Variants in WDR7 observed in about 807,000 individuals in gnomAD.
The protein encoded by WDR7 is WD repeat-containing protein 7.
Under a neutral mutation model 169.4 loss-of-function variants are expected in WDR7, and 46 were observed. The ratio of observed to expected loss-of-function variants is 0.27; its 90% confidence interval spans 0.21 to 0.35. WDR7 has a LOEUF of 0.35. Among genes scored for constraint, WDR7 ranks in the 10% least tolerant of loss-of-function variants. WDR7 has a pLI of 1.00. For missense variants in WDR7, 1,534 were observed against 1,859.3 expected, an observed-to-expected ratio of 0.83 and a Z score of 3.22; for synonymous variants, 612 against 666.8, an observed-to-expected ratio of 0.92 and a Z score of 1.27.
At position 56,863,401 on chromosome 18, in the gene WDR7, G is replaced by A. The variant is rs186472278; in HGVS notation, c.3305-16543G>A. 7.2e-5 allele frequency among the ~76,000 whole-genome samples: 11 copies of A among 151,744 alleles called. No homozygotes were observed. In the East Asian group the frequency reaches 1.9e-3, roughly 27 times the overall value. On this transcript the variant is annotated intron_variant, in intron 20 of 27. Coordinates refer to ENST00000254442, the MANE Select transcript of WDR7 (RefSeq NM_015285.3). The stretch of plus-strand genomic sequence containing the variant: ...GAAATTCTTGTTACAGAATTTGAGA[G>A]GGATAAAAGCACTTTGCCAGCACTG...
chr18:56,711,827 G>A (rs1368049639), intron 12 of WDR7, among the ~76,000 whole-genome samples: 6 of 151,870 alleles, frequency 4.0e-5, no homozygotes, highest in Admixed American at 6.6e-5. Flanking sequence ...AATATTTAAC[G>A]TGATAAATGA....
At chr18:56,741,602 G>A (rs1354428936) in intron 14 of WDR7, among the ~76,000 whole-genome samples, 1 of 152,154 alleles carries the variant, frequency 6.6e-6, no homozygotes, top group Non-Finnish European at 1.5e-5. Flanking sequence ...ATGTATAAAT[G>A]TATGTGTGCA....
intron 16 of WDR7, 116 bp from the exon 17 acceptor site, chr18:56,776,666 C>A (rs1037607491): frequency 1.4e-4 from 114 of 807,484 alleles, no homozygotes; most frequent in South Asian, 1.2e-3. Context: ...CGTTTCAGTT[C>A]TACATTCTCT....
chr18:56,789,584 G>A (rs1310753613), intron 19 of WDR7, among the ~76,000 whole-genome samples: 1 of 152,174 alleles, frequency 6.6e-6, no homozygotes, highest in Non-Finnish European at 1.5e-5. Context: ...AGGAGATGGG[G>A]GAGTCCATCC....
At chr18:56,668,841 G>A (rs949097692) in intron 1 of WDR7, among the ~76,000 whole-genome samples, 4 of 151,432 alleles carry the variant, frequency 2.6e-5, no homozygotes, top group African/African-American at 9.7e-5. Flanking sequence ...TGAATATTAA[G>A]TACTGGAAAA....
In WDR7 at chr18:56,918,506, T is replaced by A. The variant is rs189760371; in HGVS notation, c.3527-5416T>A. Among the ~76,000 whole-genome samples, 812 of 152,238 alleles carry A rather than the reference T, an allele frequency of 5.3e-3. 7 individuals carry two copies. The highest frequency in any genetic ancestry group is 0.019 in the African/African-American group (777 of 41,536). On this transcript the variant is annotated intron_variant, in intron 21 of 27. Coordinates refer to ENST00000254442, the MANE Select transcript of WDR7 (RefSeq NM_015285.3). ...AGGGCATGTATTAGTACTATTTCAA[T>A]TTTTTTATTTTGTTTTTTATAAACA...
intron 19 of WDR7, among the ~76,000 whole-genome samples, chr18:56,801,829 A>G (rs1488551826): frequency 6.6e-6 from 1 of 152,154 alleles, no homozygotes; most frequent in Non-Finnish European, 1.5e-5. Context: ...GGCTGTACCA[A>G]AGTATATTTA....
chr18:56,949,400 T>C (rs2047150281), intron 25 of WDR7, among the ~76,000 whole-genome samples: 1 of 152,224 alleles, frequency 6.6e-6, no homozygotes, highest in Admixed American at 6.5e-5. Flanking sequence ...CTTTCCAAAA[T>C]GAACAAATAT....
intron 25 of WDR7, among the ~76,000 whole-genome samples, chr18:56,946,590 C>G (rs2047106184): frequency 6.6e-6 from 1 of 152,116 alleles, no homozygotes; most frequent in Admixed American, 6.5e-5. Flanking sequence ...TGTATTCCTT[C>G]CCTCATAATC....
At chr18:56,679,034 A>G (rs1284998523) in intron 2 of WDR7, among the ~76,000 whole-genome samples, 1 of 152,204 alleles carries the variant, frequency 6.6e-6, no homozygotes, top group African/African-American at 2.4e-5. Context: ...AAGCCAGCAT[A>G]GCACTGGGTT....
chr18:56,938,715 CA>C, intron 24 of WDR7, 33 bp downstream of exon 24: 2 of 1,608,736 alleles, frequency 1.2e-6, no homozygotes, highest in Non-Finnish European at 1.7e-6. Context: ...GATCCATCAG[CA>C]ACCTAAATTA....
intron 25 of WDR7, chr18:56,957,279 C>T (rs562398110): frequency 1.3e-5 from 2 of 152,166 alleles, no homozygotes; most frequent in Admixed American, 6.5e-5. Flanking sequence ...ATAGACGATA[C>T]TTTCAAGGAT....
chr18:56,767,973 A>G (rs2044093033), intron 16 of WDR7, among the ~76,000 whole-genome samples: 2 of 152,282 alleles, frequency 1.3e-5, no homozygotes, highest in Admixed American at 6.5e-5. Context: ...TCTGTTAGAG[A>G]TATTATTTGT....
At chr18:56,806,286 T>C (rs2044772011) in intron 19 of WDR7, among the ~76,000 whole-genome samples, 1 of 152,198 alleles carries the variant, frequency 6.6e-6, no homozygotes, top group South Asian at 2.1e-4. Context: ...CCTCCTGCCT[T>C]CGCCATGCTC....
chr18:56,880,284 GT>G, intron 21 of WDR7, 119 bp downstream of exon 21: 1 of 966,262 alleles, frequency 1.0e-6, no homozygotes, highest in Non-Finnish European at 1.5e-6. Flanking sequence ...CTTGCGTGAA[GT>G]TAGAAAGCAG....
chr18:57,026,555 T>C (rs1329102685), intron 27 of WDR7, among the ~76,000 whole-genome samples: 3 of 152,214 alleles, frequency 2.0e-5, no homozygotes, highest in African/African-American at 7.2e-5. Context: ...TATCTACTGC[T>C]TAACTTTGCT....
chr18:56,954,891 T>C (rs2047231233), intron 25 of WDR7, among the ~76,000 whole-genome samples: 3 of 152,184 alleles, frequency 2.0e-5, no homozygotes, highest in Admixed American at 1.3e-4. Context: ...TTTTCAGAGA[T>C]AGCTTACCTT....
At chr18:56,729,351 A>G (rs2026532821) in intron 13 of WDR7, among the ~76,000 whole-genome samples, 1 of 152,174 alleles carries the variant, frequency 6.6e-6, no homozygotes, top group Non-Finnish European at 1.5e-5. Flanking sequence ...ATATGTTACA[A>G]ATCTTCATGT....
intron 20 of WDR7, among the ~76,000 whole-genome samples, chr18:56,866,016 G>A (rs1014472708): frequency 6.6e-6 from 1 of 151,924 alleles, no homozygotes; most frequent in African/African-American, 2.4e-5. Flanking sequence ...GATTCATGTT[G>A]GCATAGGCAT....
Sources: allele counts gnomAD v4.1 joint callset (sites outside exome capture counted in the v4.1 genomes callset), GRCh38; gene constraint gnomAD v4.1.1; transcripts MANE v1.5; gene names NCBI Gene and HGNC (gene_info 2026-07-23, HGNC 2026-07-21).